Variants in TET3 observed in about 807,000 individuals in gnomAD.
TET3 encodes the protein methylcytosine dioxygenase TET3.
A neutral mutation model predicts 141.4 loss-of-function variants in TET3; 19 were observed. That is an observed-to-expected ratio of 0.13 (90% CI 0.09 to 0.20). The LOEUF (loss-of-function observed/expected upper bound fraction) is 0.20, where lower values mean the gene tolerates loss of function less well. TET3 is among the 10% of genes least tolerant of loss of function. The pLI, the probability that TET3 is intolerant of heterozygous loss-of-function variation, is 1.00. For missense variants in TET3, 1,874 were observed against 2,356.9 expected (o/e 0.80, Z 4.24); for synonymous variants, 1,043 against 980.9 (o/e 1.06, Z -1.18).
At chr2:74,131,471 C>G in the TET3 span, among the ~76,000 whole-genome samples, 1 of 152,210 alleles carries the variant, frequency 6.6e-6, no homozygotes, top group Non-Finnish European at 1.5e-5. Flanking sequence ...CAGTCTGTGT[C>G]TGGGTGGGGC....
intron 3 of TET3, among the ~76,000 whole-genome samples, chr2:74,045,258 G>T (rs983245768): frequency 6.6e-6 from 1 of 152,206 alleles, no homozygotes; most frequent in Non-Finnish European, 1.5e-5. Context: ...CTGTCTACCA[G>T]ATCTCTCCAC....
chr2:74,010,233 C>T (rs867907540), intron 3 of TET3, among the ~76,000 whole-genome samples: 1 of 152,200 alleles, frequency 6.6e-6, no homozygotes, highest in Non-Finnish European at 1.5e-5. Flanking sequence ...ACCGGGGCTC[C>T]GTGTCCAACC....
Position 74,046,156 on chromosome 2 carries a change from A to T in TET3, c.361-122A>T. 1 of 837,538 alleles carries T rather than the reference A, an allele frequency of 1.2e-6. No homozygotes were observed. The allele number at this position is 837,538 out of a possible 1,614,324, so 51.9% of individuals were successfully genotyped here. On this transcript the variant is annotated intron_variant, in intron 3 of 11. Transcript: ENST00000409262. This position sits in a 1 kb window ranked among gnomAD's most constrained non-coding sequence, Gnocchi z 4.3. The stretch of plus-strand genomic sequence containing the variant: ...ATGAATTGGAGGCTCAAGAAGTACC[A>T]GAGAGAGGATTTGCAAGAAAAGTTG...
chr2:73,984,544 A>C (rs921001206), upstream of TET3, among the ~76,000 whole-genome samples: 2 of 151,766 alleles, frequency 1.3e-5, no homozygotes, highest in Non-Finnish European at 2.9e-5. This position sits in a 1 kb window ranked among gnomAD's most constrained non-coding sequence, Gnocchi z 5.6. Flanking sequence ...AAGTGGGGAC[A>C]CCGAGCGAGG....
At chr2:74,050,563 A>G (rs1014221678) in intron 4 of TET3, among the ~76,000 whole-genome samples, 4 of 151,920 alleles carry the variant, frequency 2.6e-5, no homozygotes, top group Non-Finnish European at 5.9e-5. Flanking sequence ...TCCTTTTTTT[A>G]TTTTTAGGCA....
chr2:74,072,796 C>G (rs1428399441), intron 4 of TET3, among the ~76,000 whole-genome samples: 2 of 152,202 alleles, frequency 1.3e-5, no homozygotes, highest in African/African-American at 4.8e-5. Flanking sequence ...TACTTTCTGT[C>G]TCTAGGAATC....
the TET3 span, among the ~76,000 whole-genome samples, chr2:74,125,388 G>A: frequency 6.6e-6 from 1 of 152,150 alleles, no homozygotes; most frequent in Admixed American, 6.5e-5. Context: ...TACAATACAC[G>A]TTTTCAGACA....
At chr2:73,987,045 T>TGA (rs1288836040) in intron 2 of TET3, among the ~76,000 whole-genome samples, 1 of 152,216 alleles carries the variant, frequency 6.6e-6, no homozygotes, top group Non-Finnish European at 1.5e-5. Flanking sequence ...AATGCTTGGA[T>TGA]GACTTGGTCA....
chr2:74,006,504 G>A (rs930857510), intron 3 of TET3, among the ~76,000 whole-genome samples: 1 of 152,206 alleles, frequency 6.6e-6, no homozygotes, highest in Non-Finnish European at 1.5e-5. Context: ...CCCTGGACCT[G>A]CCCTCAGGGA....
In TET3 at chr2:74,093,101, G is replaced by A. The variant is rs538691118; in HGVS notation, c.3129+110G>A. The A allele has an allele frequency of 2.1e-4, 215 of 1,013,604 alleles. No homozygotes were observed. In the African/African-American group the frequency reaches 2.9e-3, roughly 14 times the overall value. 62.8% of individuals were successfully genotyped at this position (1,013,604 alleles called of 1,614,324 possible). On this transcript the variant is annotated intron_variant, in intron 9 of 11. Coordinates refer to ENST00000409262, the MANE Select transcript of TET3 (RefSeq NM_001287491.2). This position sits in a 1 kb window ranked among gnomAD's most constrained non-coding sequence, Gnocchi z 4.2. ...GCTCTTTTACTCTCTTATGGGAAGA[G>A]CCTAGTCCAGAAGTAAAGCGATATG...
intron 3 of TET3, among the ~76,000 whole-genome samples, chr2:74,036,245 T>C (rs1460863449): frequency 4.6e-5 from 7 of 152,202 alleles, no homozygotes; most frequent in African/African-American, 1.7e-4. Flanking sequence ...TAGTAAGTGG[T>C]GGGGCCACGA....
intron 2 of TET3, among the ~76,000 whole-genome samples, chr2:73,989,150 C>A (rs376940883): frequency 6.6e-6 from 1 of 152,020 alleles, no homozygotes; most frequent in Non-Finnish European, 1.5e-5. Flanking sequence ...CCAAGACCAG[C>A]CCAGCATTTA....
intron 3 of TET3, among the ~76,000 whole-genome samples, chr2:74,006,403 T>C (rs1685150775): frequency 6.6e-6 from 1 of 152,236 alleles, no homozygotes; most frequent in Non-Finnish European, 1.5e-5. Flanking sequence ...CCTCACCCTT[T>C]TTGAATGTCA....
chr2:74,006,552 G>A (rs553630133), intron 3 of TET3, among the ~76,000 whole-genome samples: 1 of 152,350 alleles, frequency 6.6e-6, no homozygotes, highest in South Asian at 2.1e-4. Context: ...TGCTGGGCCT[G>A]GTGAGGAGGG....
Position 74,015,646 on chromosome 2 carries a change from T to C in TET3, c.360+12480T>C, listed in dbSNP as rs1166280244. On this transcript the variant is annotated intron_variant, in intron 3 of 11. Transcript: ENST00000409262. Reference sequence around the variant, plus strand: ...ACTTCTTATTGATGGACATTTACAGTTCTAATTTTTTTGCAATTATAAATG... The same window carrying C: ...ACTTCTTATTGATGGACATTTACAGCTCTAATTTTTTTGCAATTATAAATG... Among the ~76,000 whole-genome samples, 3 of 152,218 alleles carry C rather than the reference T, an allele frequency of 2.0e-5. No individual in the cohort carries two copies. The East Asian group carries it at 5.8e-4, about 29-fold the overall frequency.
At chr2:73,989,770 C>A (rs1457618280) in intron 2 of TET3, among the ~76,000 whole-genome samples, 2 of 152,076 alleles carry the variant, frequency 1.3e-5, no homozygotes, top group Non-Finnish European at 1.5e-5. Flanking sequence ...TGAGTGGTGG[C>A]TTGGTAGTAC....
chr2:74,066,699 C>G (rs1487631814), intron 4 of TET3, among the ~76,000 whole-genome samples: 6 of 152,210 alleles, frequency 3.9e-5, no homozygotes, highest in African/African-American at 1.4e-4. Flanking sequence ...TTTTAGTGGC[C>G]TTCCCAGGGA....
chr2:74,004,703 C>T (rs1051296193), intron 3 of TET3, among the ~76,000 whole-genome samples: 4 of 151,978 alleles, frequency 2.6e-5, no homozygotes, highest in Non-Finnish European at 4.4e-5. Context: ...TTGATACGGG[C>T]GATACTGTGG....
intron 4 of TET3, among the ~76,000 whole-genome samples, chr2:74,065,479 C>T (rs990771368): frequency 2.0e-5 from 3 of 152,168 alleles, no homozygotes; most frequent in Admixed American, 1.3e-4. Flanking sequence ...CAAGAAATAT[C>T]CAGGGCACAT....
Sources: gnomAD v4.1 joint callset for allele counts (sites outside exome capture counted in the v4.1 genomes callset) on GRCh38, gnomAD v4.1.1 for gene constraint, Gnocchi (gnomAD v3.1) non-coding constraint, MANE v1.5 for transcripts, NCBI Gene and HGNC (gene_info 2026-07-23, HGNC 2026-07-21) for gene names.